MYH6: variants seen among roughly 807,000 people sequenced by gnomAD.
MYH6 encodes myosin-6.
MYH6 carries 126 observed loss-of-function variants against 223.2 expected under a neutral mutation model. That is an observed-to-expected ratio of 0.56 (90% confidence interval 0.49 to 0.65). The LOEUF is 0.65. MYH6 is among the 30% of genes least tolerant of loss of function. The pLI, the probability that MYH6 is intolerant of heterozygous loss-of-function variation, is 0.00. For missense variants in MYH6, 2,040 were observed against 2,536.4 expected, an observed-to-expected ratio of 0.80 and a Z score of 4.20; for synonymous variants, 978 against 1,010.2, an observed-to-expected ratio of 0.97 and a Z score of 0.61.
At position 23,386,405 on chromosome 14, in the gene MYH6, G is replaced by A. The variant is rs1268856034; in HGVS notation, c.4869C>T (p.Asp1623=). The change falls in exon 33 of 39, where the codon GAC becomes GAT. Residue 1623 remains aspartate (D), a synonymous_variant. Transcript: ENST00000405093. ...VLRVKKKMEG[D]LNEMEIQLSH... is the part of the protein sequence containing the mutation. Reference sequence around the variant, plus strand: ...TGAGCTGGATCTCCATCTCATTGAGGTCTCCTTCCATCTTCTTCTTCACCC... The same window carrying A: ...TGAGCTGGATCTCCATCTCATTGAGATCTCCTTCCATCTTCTTCTTCACCC... The A allele has an allele frequency of 6.2e-7, 1 of 1,614,048 alleles. No individual in the cohort carries two copies. Among genetic ancestry groups the A allele is most frequent in the Non-Finnish European group, 8.5e-7 (1 of 1,180,038 alleles).
chr14:23,389,300 G>A, intron 28 of MYH6, 93 bp downstream of exon 28: 1 of 1,417,824 alleles, frequency 7.1e-7, no homozygotes, highest in Non-Finnish European at 9.9e-7. Flanking sequence ...CCTTGCAGAG[G>A]ACTCTTTCCA....
At position 23,396,438 on chromosome 14, in the gene MYH6, A is replaced by G. The variant is rs1333419278; in HGVS notation, c.2293-18T>C. ...AAGAACACCTGCAGGCAAGGGGTAGATGCAACAGGCCGCAGCCTCAGAGGG... is the reference window on the plus strand; with the variant it reads ...AAGAACACCTGCAGGCAAGGGGTAGGTGCAACAGGCCGCAGCCTCAGAGGG... On this transcript the variant is annotated intron_variant, in intron 19 of 38. Coordinates refer to ENST00000405093, the MANE Select transcript of MYH6 (RefSeq NM_002471.4). 2.5e-6 allele frequency: 4 copies of G among 1,613,018 alleles called. No homozygotes were observed. The highest frequency in any genetic ancestry group is 3.4e-6 in the Non-Finnish European group (4 of 1,179,964).
At chr14:23,406,981 C>T (rs1891807580) in intron 3 of MYH6, 42 bp downstream of exon 3, 1 of 1,604,738 alleles carries the variant, frequency 6.2e-7, no homozygotes. Context: ...TCTTCTTTCC[C>T]AGACCTCCTT....
At position 23,404,299 on chromosome 14, in the gene MYH6, G is replaced by T. The variant is rs397516779; in HGVS notation, c.732C>A (p.Arg244=). 6.2e-7 allele frequency: 1 copy of T among 1,614,260 alleles called. No individual in the cohort carries two copies. The change falls in exon 8 of 39, where the codon CGC becomes CGA. Residue 244 remains arginine, a synonymous_variant. Transcript: ENST00000405093. Reference sequence around the variant, plus strand: ...GGGAGTGGTCAAAGGCACTCACAAAGCGGGAGGAGTTGTCGTTCCGGACAG... The same window carrying T: ...GGGAGTGGTCAAAGGCACTCACAAATCGGGAGGAGTTGTCGTTCCGGACAG... The part of the protein sequence containing the change: ...AKTVRNDNSS[R]FGKFIRIHFG...
In MYH6 at chr14:23,394,183, T is replaced by C. The variant is rs747036926; in HGVS notation, c.2570A>G (p.Glu857Gly). Residue 857 changes from glutamate (E) to glycine (G), a missense_variant, in exon 21 of 39, where the codon GAG becomes GGG. Transcript: ENST00000405093. The stretch of plus-strand genomic sequence containing the variant: ...CAGCGTCTCTTTGATGCGCCCGAAC[T>C]CTTCCTTCATGGTGGCCATCTCCTT... ...TEKEMATMKE[E>G]FGRIKETLEK... 1.9e-6 allele frequency: 3 copies of C among 1,614,218 alleles called. No homozygotes were observed. The highest frequency in any genetic ancestry group is 2.5e-6 in the Non-Finnish European group (3 of 1,180,032).
intron 20 of MYH6, among the ~76,000 whole-genome samples, chr14:23,395,010 G>A (rs1162638019): frequency 6.6e-6 from 1 of 152,132 alleles, no homozygotes; most frequent in African/African-American, 2.4e-5. Context: ...AATTACAGGT[G>A]CCTGCCACCA....
rs1891315952 is a variant in MYH6, at chr14:23,393,892, T to C, written c.2702A>G (p.Asn901Ser). The stretch of plus-strand genomic sequence containing the variant: ...CTGGTCGCAGCGCTCCTCAGCATCA[T>C]TGAGGTTGTCTTGTTCCTGGGAGAA... ...LQVQAEQDNL[N>S]DAEERCDQLI... is the part of the protein sequence containing the mutation. Residue 901 changes from asparagine to serine, a missense_variant, in exon 22 of 39, where the codon AAT becomes AGT. By Grantham distance (46) the Asn-to-Ser change is conservative. Coordinates refer to ENST00000405093, the MANE Select transcript of MYH6 (RefSeq NM_002471.4). 4.3e-6 allele frequency: 7 copies of C among 1,614,146 alleles called. No homozygotes were observed. The highest frequency in any genetic ancestry group is 1.7e-5 in the Admixed American group (1 of 60,028).
intron 25 of MYH6, among the ~76,000 whole-genome samples, chr14:23,390,901 C>T (rs1437650376): frequency 1.3e-5 from 2 of 152,152 alleles, no homozygotes; most frequent in African/African-American, 2.4e-5. Context: ...CAACATGCCT[C>T]GAAACAATCA....
chr14:23,397,433 C>A (rs1891432734), intron 16 of MYH6, 110 bp downstream of exon 16: 2 of 1,392,360 alleles, frequency 1.4e-6, no homozygotes, highest in Non-Finnish European at 2.0e-6. Flanking sequence ...GACTACGTAG[C>A]CCTAGCTTCT....
rs142539180 is a variant in MYH6, at chr14:23,387,643, C to T, written c.4536G>A (p.Ser1512=). ...RENKNLQEEI[S]DLTEQLGEGG... is the part of the protein sequence containing the mutation. Reference sequence around the variant, plus strand: ...CTTCTCCTAGCTGCTCAGTAAGGTCCGAGATTTCCTCTGGGGACCAGAGGG... The same window carrying T: ...CTTCTCCTAGCTGCTCAGTAAGGTCTGAGATTTCCTCTGGGGACCAGAGGG... Residue 1512 remains serine (S), a synonymous_variant, in exon 32 of 39, where the codon TCG becomes TCA. Coordinates refer to ENST00000405093, the MANE Select transcript of MYH6 (RefSeq NM_002471.4). 469 of 1,614,066 alleles carry T rather than the reference C, an allele frequency of 2.9e-4. 1 individual carries two copies. The East Asian group carries it at 6.8e-3, about 23-fold the overall frequency.
chr14:23,406,490 C>A (rs1252442216), intron 3 of MYH6, among the ~76,000 whole-genome samples: 1 of 152,136 alleles, frequency 6.6e-6, no homozygotes, highest in Non-Finnish European at 1.5e-5. Flanking sequence ...GGCACACAGC[C>A]CTGAGCCGCA....
rs1201086032 is a variant in MYH6, at chr14:23,396,566, G to A, written c.2292+128C>T. On this transcript the variant is annotated intron_variant, in intron 19 of 38. Coordinates refer to ENST00000405093, the MANE Select transcript of MYH6 (RefSeq NM_002471.4). Reference sequence around the variant, plus strand: ...ATTTGACAAACAAGACCGGAATGAAGCCTGGGTTTCAGCCCTTGATAAGGT... The same window carrying A: ...ATTTGACAAACAAGACCGGAATGAAACCTGGGTTTCAGCCCTTGATAAGGT... 45 of 1,521,216 alleles carry A rather than the reference G, an allele frequency of 3.0e-5. No individual in the cohort carries two copies. The East Asian group carries it at 8.4e-4, about 28-fold the overall frequency. 94.2% of individuals were successfully genotyped at this position (1,521,216 alleles called of 1,614,324 possible). A position where few individuals can be genotyped will look rare whatever the true frequency, so the allele number is the denominator to read the frequency against.
At chr14:23,397,952 CTT>C (rs1891464074) in intron 15 of MYH6, among the ~76,000 whole-genome samples, 1 of 91,170 alleles carries the variant, frequency 1.1e-5, no homozygotes, top group Non-Finnish European at 2.2e-5. Flanking sequence ...TCTTCTTCTT[CTT>C]CTTCTTCTTC....
Position 23,394,464 on chromosome 14 carries a change from T to C in MYH6, c.2430-141A>G, listed in dbSNP as rs1000288854. 5.3e-6 allele frequency: 6 copies of C among 1,132,946 alleles called. No individual in the cohort carries two copies. In the African/African-American group the frequency reaches 7.9e-5, roughly 15 times the overall value. 70.2% of individuals were successfully genotyped at this position (1,132,946 alleles called of 1,614,324 possible). On this transcript the variant is annotated intron_variant, in intron 20 of 38. Coordinates refer to ENST00000405093, the MANE Select transcript of MYH6 (RefSeq NM_002471.4). ...CAACATCACTACACTGAACATGGAGTTGCTTGATAAATATTTATTAATCAA... is the reference window on the plus strand; with the variant it reads ...CAACATCACTACACTGAACATGGAGCTGCTTGATAAATATTTATTAATCAA...
rs11850295 is a variant in MYH6, at chr14:23,403,812, C to G, written c.736-34G>C. ...GAATGGGACAGAGTGAGGGAACTGGCGGGAAGGACAGAGTGAAATCCTGGC... is the reference window on the plus strand; with the variant it reads ...GAATGGGACAGAGTGAGGGAACTGGGGGGAAGGACAGAGTGAAATCCTGGC... On this transcript the variant is annotated intron_variant, in intron 8 of 38. Coordinates refer to ENST00000405093, the MANE Select transcript of MYH6 (RefSeq NM_002471.4). 20 of 1,569,520 alleles carry G rather than the reference C, an allele frequency of 1.3e-5. No homozygotes were observed. The Middle Eastern group carries it at 5.0e-4, about 39-fold the overall frequency.
Position 23,405,250 on chromosome 14 carries a change from C to T in MYH6, c.475G>A (p.Asp159Asn), listed in dbSNP as rs369931610. Residue 159 changes from aspartate (D) to asparagine (N), a missense_variant, in exon 5 of 39, where the codon GAC becomes AAC. By Grantham distance (23) the Asp-to-Asn change is conservative. Coordinates refer to ENST00000405093, the MANE Select transcript of MYH6 (RefSeq NM_002471.4). The surrounding 1 kb of genome is among the most constrained non-coding windows in gnomAD (Gnocchi z 4.7). ...GTCAGCATGTACTGATAGGCGTTGT[C>T]GGAGATGGAGAAGATGTGGGGCGGG... ...EAPPHIFSIS[D>N]NAYQYMLTDR... 17 of 1,613,970 alleles carry T rather than the reference C, an allele frequency of 1.1e-5. No homozygotes were observed. The highest frequency in any genetic ancestry group is 1.3e-5 in the African/African-American group (1 of 74,898).
At chr14:23,388,751 C>G (rs1891125432) in intron 29 of MYH6, 108 bp downstream of exon 29, 1 of 1,514,574 alleles carries the variant, frequency 6.6e-7, no homozygotes, top group African/African-American at 1.4e-5. Context: ...CTCCGAGTTC[C>G]TCCTGTCTCT....
In MYH6 at chr14:23,398,987, G is replaced by A; in HGVS notation, c.1632C>T (p.Ala544=). 6.2e-7 allele frequency: 1 copy of A among 1,614,114 alleles called. No individual in the cohort carries two copies. Among genetic ancestry groups the A allele is most frequent in the Non-Finnish European group, 8.5e-7 (1 of 1,180,028 alleles). The part of the protein sequence containing the change: ...ILEEECMFPK[A]TDMTFKAKLY... ...GCTTGGCCTTGAAGGTCATGTCAGT[G>A]GCCTTGGGGAACATGCACTCCTCCT... Residue 544 remains alanine, a synonymous_variant, in exon 15 of 39, where the codon GCC becomes GCT. Transcript: ENST00000405093.
chr14:23,405,202 A>G lies in MYH6; in HGVS notation c.502+21T>C, dbSNP rs1566516412. ...TGGGTGTCTGGGAGGAGGAGCAGAG[A>G]CCAGGGGCCACCAGGCTCACCTGTC... On this transcript the variant is annotated intron_variant, in intron 5 of 38. Transcript: ENST00000405093. This position sits in a 1 kb window ranked among gnomAD's most constrained non-coding sequence, Gnocchi z 4.7. 5 of 1,613,850 alleles carry G rather than the reference A, an allele frequency of 3.1e-6. No individual in the cohort carries two copies. Among genetic ancestry groups the G allele is most frequent in the Non-Finnish European group, 4.2e-6 (5 of 1,180,046 alleles).
Sources: gnomAD v4.1 joint callset for allele counts (sites outside exome capture counted in the v4.1 genomes callset) on GRCh38, gnomAD v4.1.1 for gene constraint, Gnocchi (gnomAD v3.1) non-coding constraint, MANE v1.5 for transcripts, NCBI Gene and HGNC (gene_info 2026-07-23, HGNC 2026-07-21) for gene names.